Variants in ALKAL1 observed in about 807,000 individuals in gnomAD.
ALKAL1 encodes AUG-beta.
ALKAL1 carries 23 observed loss-of-function variants against 13.5 expected under a neutral mutation model. The ratio of observed to expected loss-of-function variants is 1.70; its 90% CI spans 1.23 to 2.41. The LOEUF is 2.41. Among genes scored for constraint, ALKAL1 ranks in the 30% most tolerant of loss-of-function variants. The probability of loss-of-function intolerance (pLI) is 0.00; values close to 1 mark genes in which losing one functional copy is unlikely to be tolerated. For missense variants in ALKAL1, 181 were observed against 178.4 expected, an observed-to-expected ratio of 1.01 and a Z score of -0.08; for synonymous variants, 85 against 77.7, an observed-to-expected ratio of 1.09 and a Z score of -0.49.
rs1326282530 is a variant in ALKAL1, at chr8:52,565,206, C to T, written c.51G>A (p.Ala17=). 7 of 1,339,014 alleles carry T rather than the reference C, an allele frequency of 5.2e-6. No homozygotes were observed. In the African/African-American group the frequency reaches 6.1e-5, roughly 12 times the overall value. 82.9% of individuals were successfully genotyped at this position (1,339,014 alleles called of 1,614,324 possible). A position where few individuals can be genotyped will look rare whatever the true frequency, so the allele number is the denominator to read the frequency against. The change falls in exon 1 of 5, where the codon GCG becomes GCA. Residue 17 remains alanine (A), a synonymous_variant. Coordinates refer to ENST00000358543, the MANE Select transcript of ALKAL1 (RefSeq NM_207413.4). ...GAPLPALFLL[A]LALSPHGAHG... ...GGGCTCCGTGCGGGGACAAAGCCAG[C>T]GCCAGCAGGAAGAGTGCGGGCAAAG...
chr8:52,562,078 G>A (rs1847556355), intron 1 of ALKAL1, among the ~76,000 whole-genome samples: 3 of 152,118 alleles, frequency 2.0e-5, no homozygotes, highest in South Asian at 2.1e-4. Context: ...CTTTGGCAGG[G>A]TTTGAGGTAT....
chr8:52,538,512 GA>G lies in ALKAL1; in HGVS notation c.326-6del. 1 of 1,591,836 alleles carries G rather than the reference GA, an allele frequency of 6.3e-7. No homozygotes were observed. Among genetic ancestry groups the G allele is most frequent in the Non-Finnish European group, 8.6e-7 (1 of 1,162,480 alleles). The stretch of plus-strand genomic sequence containing the variant: ...ATCTAGCACATCTTTTGTAATCTAG[GA>G]AAAACATTTAAAGGTAAATTATATA... On this transcript the variant is annotated splice_region_variant and splice_polypyrimidine_tract_variant and intron_variant, in intron 3 of 4. Coordinates refer to ENST00000358543, the MANE Select transcript of ALKAL1 (RefSeq NM_207413.4).
At chr8:52,535,550 C>CAAAAAAAAA (rs10719477) in intron 4 of ALKAL1, among the ~76,000 whole-genome samples, 9 of 68,624 alleles carry the variant, frequency 1.3e-4, no homozygotes, top group Non-Finnish European at 1.8e-4. Flanking sequence ...GACCCTGTCT[C>CAAAAAAAAA]AAAAAAAAAA....
intron 1 of ALKAL1, among the ~76,000 whole-genome samples, chr8:52,551,834 T>C (rs962254969): frequency 6.6e-6 from 1 of 152,208 alleles, no homozygotes; most frequent in Non-Finnish European, 1.5e-5. Context: ...AAGAGTGATA[T>C]AAAACTTTTA....
chr8:52,554,843 A>G (rs1847465404), intron 1 of ALKAL1, among the ~76,000 whole-genome samples: 1 of 152,204 alleles, frequency 6.6e-6, no homozygotes, highest in Admixed American at 6.5e-5. Flanking sequence ...GAGATGGGTC[A>G]ACTGCAGCAA....
At chr8:52,534,968 G>C (rs1206749368) in intron 4 of ALKAL1, among the ~76,000 whole-genome samples, 2 of 152,108 alleles carry the variant, frequency 1.3e-5, no homozygotes, top group African/African-American at 4.8e-5. Flanking sequence ...AACTCCTATA[G>C]AGAGAAATCA....
intron 1 of ALKAL1, among the ~76,000 whole-genome samples, chr8:52,546,950 C>T (rs1847375347): frequency 1.3e-5 from 2 of 152,136 alleles, no homozygotes; most frequent in South Asian, 4.1e-4. Flanking sequence ...TTTGCCAATG[C>T]CTGCCCTGCA....
rs141345551 is a variant in ALKAL1, at chr8:52,562,357, T to G, written c.190+2710A>C. Among the ~76,000 whole-genome samples, 3 of 152,234 alleles carry G rather than the reference T, an allele frequency of 2.0e-5. No homozygotes were observed. In the East Asian group the frequency reaches 5.8e-4, roughly 29 times the overall value. On this transcript the variant is annotated intron_variant, in intron 1 of 4. Transcript: ENST00000358543. Reference sequence around the variant, plus strand: ...GCAGGAATTATGAACTGAATTGTGCTCCTCAAGCACAATGGTCAACAATGT... The same window carrying G: ...GCAGGAATTATGAACTGAATTGTGCGCCTCAAGCACAATGGTCAACAATGT...
rs1235901091 is a variant in ALKAL1, at chr8:52,534,548, G to T, written c.*65C>A. On this transcript the variant is annotated 3_prime_UTR_variant, in exon 5 of 5. Transcript: ENST00000358543. ...TAAATTTCATCTTTTTTTACATTTT[G>T]CATGATTTGAGGCACTTTTTCTTCA... 3.4e-6 allele frequency: 2 copies of T among 594,700 alleles called. No individual in the cohort carries two copies. Among genetic ancestry groups the T allele is most frequent in the Admixed American group, 3.1e-5 (1 of 32,152 alleles). 36.8% of individuals were successfully genotyped at this position (594,700 alleles called of 1,614,324 possible). A position where few individuals can be genotyped will look rare whatever the true frequency, so the allele number is the denominator to read the frequency against.
chr8:52,541,254 T>A (rs1847309069), intron 2 of ALKAL1, among the ~76,000 whole-genome samples: 1 of 152,030 alleles, frequency 6.6e-6, no homozygotes, highest in Non-Finnish European at 1.5e-5. Context: ...GGCAGGAGGA[T>A]CACTTGAGCC....
At chr8:52,551,184 C>T (rs555464348) in intron 1 of ALKAL1, among the ~76,000 whole-genome samples, 2 of 152,282 alleles carry the variant, frequency 1.3e-5, no homozygotes, top group South Asian at 4.1e-4. Flanking sequence ...GGTTTTATTA[C>T]AACCTCCTGT....
chr8:52,536,062 C>T (rs951073392), intron 4 of ALKAL1, among the ~76,000 whole-genome samples: 1 of 152,192 alleles, frequency 6.6e-6, no homozygotes, highest in Non-Finnish European at 1.5e-5. Flanking sequence ...CCTCAGCCTC[C>T]CAAGTAGCTG....
intron 1 of ALKAL1, among the ~76,000 whole-genome samples, chr8:52,556,674 A>AAAAAAG (rs1847486609): frequency 6.7e-6 from 1 of 148,728 alleles, no homozygotes. Context: ...AAAAAAAAAA[A>AAAAAAG]GATTGGATGG....
intron 1 of ALKAL1, among the ~76,000 whole-genome samples, chr8:52,554,002 T>A (rs1847455142): frequency 6.6e-6 from 1 of 152,184 alleles, no homozygotes. Flanking sequence ...GGCGGGCAGA[T>A]CACCTGTGGT....
At chr8:52,542,633 T>C (rs1432444243) in intron 1 of ALKAL1, among the ~76,000 whole-genome samples, 188 bp from the exon 2 acceptor site, 1 of 152,180 alleles carries the variant, frequency 6.6e-6, no homozygotes, top group East Asian at 1.9e-4. Context: ...TACAACTCAC[T>C]GCTTGCTCTA....
intron 1 of ALKAL1, among the ~76,000 whole-genome samples, chr8:52,557,057 T>C (rs1027100712): frequency 1.3e-5 from 2 of 152,202 alleles, no homozygotes; most frequent in Non-Finnish European, 2.9e-5. Context: ...CACAAACAGA[T>C]AGTATTCCAA....
intron 1 of ALKAL1, among the ~76,000 whole-genome samples, chr8:52,553,945 C>T (rs900938180): frequency 3.9e-5 from 6 of 152,194 alleles, no homozygotes; most frequent in African/African-American, 9.6e-5. Context: ...AAAACAGGGC[C>T]GGGTGCAGTG....
chr8:52,534,734 G>GC (rs1355792794), intron 4 of ALKAL1, 134 bp from the exon 5 acceptor site: 1 of 421,734 alleles, frequency 2.4e-6, no homozygotes, highest in Admixed American at 4.3e-5. Context: ...TCCTGAGAAT[G>GC]CAGACTAATG....
At chr8:52,555,344 A>G (rs1590869546) in intron 1 of ALKAL1, among the ~76,000 whole-genome samples, 2 of 152,016 alleles carry the variant, frequency 1.3e-5, no homozygotes, top group East Asian at 3.9e-4. Context: ...TATTTTCTGT[A>G]TTTCCAATGC....
Sources: allele counts gnomAD v4.1 joint callset (sites outside exome capture counted in the v4.1 genomes callset), GRCh38; gene constraint gnomAD v4.1.1; transcripts MANE v1.5; gene names NCBI Gene and HGNC (gene_info 2026-07-23, HGNC 2026-07-21).